Variants in MYO1A observed in about 807,000 individuals in gnomAD.
MYO1A encodes the protein unconventional myosin-Ia.
A neutral mutation model predicts 138.5 loss-of-function variants in MYO1A; 127 were observed. That is an observed-to-expected ratio of 0.92 (90% confidence interval 0.79 to 1.06). MYO1A has a LOEUF of 1.06. MYO1A is among the 50% of genes least tolerant of loss of function. MYO1A has a pLI of 0.00. For missense variants in MYO1A, 1,211 were observed against 1,288.8 expected, an observed-to-expected ratio of 0.94 and a Z score of 0.92; for synonymous variants, 477 against 497.5, an observed-to-expected ratio of 0.96 and a Z score of 0.55.
chr12:57,037,827 C>T (rs775253009), intron 18 of MYO1A, 42 bp downstream of exon 18: 3 of 1,604,210 alleles, frequency 1.9e-6, no homozygotes, highest in Non-Finnish European at 2.6e-6. Flanking sequence ...ATGTTTCCTG[C>T]ACTGCCCTTT....
chr12:57,043,254 G>C lies in MYO1A; in HGVS notation c.997C>G (p.Leu333Val). 1 of 1,614,158 alleles carries C rather than the reference G, an allele frequency of 6.2e-7. No individual in the cohort carries two copies. The part of the protein sequence containing the change: ...ETAKEKVVTA[L>V]NVMQAQYARD... ...GAGCTCCTTACCTGCATAACATTCA[G>C]TGCAGTGACCACCTTTTCCTTGGCT... Residue 333 changes from leucine (L) to valine (V), a missense_variant, in exon 11 of 28, where the codon CTG becomes GTG. Leu to Val is a conservative substitution (Grantham distance 32). Transcript: ENST00000300119.
chr12:57,036,178 G>A, intron 22 of MYO1A, 129 bp downstream of exon 22: 1 of 926,290 alleles, frequency 1.1e-6, no homozygotes, highest in Non-Finnish European at 1.8e-6. Context: ...TCTTCTCCTA[G>A]GACTTAAGTA....
At chr12:57,036,282 A>G (rs756390541) in intron 22 of MYO1A, 25 bp downstream of exon 22, 12 of 1,610,266 alleles carry the variant, frequency 7.5e-6, no homozygotes, top group Non-Finnish European at 9.3e-6. Context: ...CATCCCTAAC[A>G]TCCACCCTAA....
In MYO1A at chr12:57,046,642, C is replaced by G; in HGVS notation, c.550G>C (p.Glu184Gln). 1 of 1,613,810 alleles carries G rather than the reference C, an allele frequency of 6.2e-7. No individual in the cohort carries two copies. Among genetic ancestry groups the G allele is most frequent in the Non-Finnish European group, 8.5e-7 (1 of 1,179,724 alleles). Residue 184 changes from glutamate (E) to glutamine (Q), a missense_variant, in exon 8 of 28, where the codon GAG (glutamate) becomes CAG (glutamine). Physicochemically the swap from Glu to Gln is conservative, Grantham distance 29 (BLOSUM62 2). Coordinates refer to ENST00000300119, the MANE Select transcript of MYO1A (RefSeq NM_005379.4). ...AGCTGCTTCACTAATCGGGATTTCT[C>G]AAGCAGATCTGGCAGAGAATTAGAA... ...LGGVITNYLL[E>Q]KSRLVKQLKG...
Position 57,044,019 on chromosome 12 carries a change from G to C in MYO1A, c.745-16C>G. The C allele has an allele frequency of 2.5e-6, 4 of 1,614,116 alleles. No individual in the cohort carries two copies. The highest frequency in any genetic ancestry group is 2.5e-6 in the Non-Finnish European group (3 of 1,180,018). On this transcript the variant is annotated splice_polypyrimidine_tract_variant and intron_variant, in intron 9 of 27. Coordinates refer to ENST00000300119, the MANE Select transcript of MYO1A (RefSeq NM_005379.4). ...CCATTGCACTCTTAGGCAGAAAGCA[G>C]AAATCAAAAGCTGAACTGTTGGTGC...
chr12:57,047,025 C>A (rs1326702186), intron 6 of MYO1A, 36 bp downstream of exon 6: 6 of 1,613,644 alleles, frequency 3.7e-6, no homozygotes, highest in Non-Finnish European at 5.1e-6. Context: ...TAAGCCCCCA[C>A]ATCCTCTCTT....
At chr12:57,034,396 G>C (rs2030430996) in intron 22 of MYO1A, among the ~76,000 whole-genome samples, 2 of 152,232 alleles carry the variant, frequency 1.3e-5, no homozygotes, top group African/African-American at 2.4e-5. Flanking sequence ...GGTAAGGCCG[G>C]GTGCAGTGGC....
At chr12:57,031,277 A>C in intron 22 of MYO1A, 103 bp from the exon 23 acceptor site, 1 of 1,426,330 alleles carries the variant, frequency 7.0e-7, no homozygotes, top group Non-Finnish European at 9.8e-7. Flanking sequence ...AAGTTAACCC[A>C]CAGTGAGAAG....
At chr12:57,049,405 C>A (rs1176786856) in intron 1 of MYO1A, among the ~76,000 whole-genome samples, 2 of 152,270 alleles carry the variant, frequency 1.3e-5, no homozygotes, top group South Asian at 2.1e-4. Context: ...GGTGGAGGAG[C>A]GGAGGAAGGA....
chr12:57,029,973 C>T, intron 24 of MYO1A, 101 bp from the exon 25 acceptor site: 1 of 1,556,326 alleles, frequency 6.4e-7, no homozygotes, highest in African/African-American at 1.4e-5. Flanking sequence ...CCCCCACATC[C>T]ACGTATCCTC....
intron 8 of MYO1A, among the ~76,000 whole-genome samples, chr12:57,044,850 G>A (rs940661479): frequency 7.2e-5 from 11 of 152,100 alleles, no homozygotes; most frequent in African/African-American, 1.7e-4. Flanking sequence ...TCCATCCTAC[G>A]CAGGTGCCTC....
chr12:57,031,228 A>AGTC, intron 22 of MYO1A, 54 bp from the exon 23 acceptor site: 1 of 1,608,732 alleles, frequency 6.2e-7, no homozygotes, highest in Non-Finnish European at 8.5e-7. Flanking sequence ...ACTTCCTGAC[A>AGTC]GGCAAACTGG....
At position 57,047,083 on chromosome 12, in the gene MYO1A, C is replaced by G; in HGVS notation, c.455G>C (p.Arg152Pro). 1.2e-6 allele frequency: 2 copies of G among 1,614,064 alleles called. No individual in the cohort carries two copies. Among genetic ancestry groups the G allele is most frequent in the Non-Finnish European group, 1.7e-6 (2 of 1,180,026 alleles). ...LEAFGNAKTI[R>P]NNNSSRFGKY... ...CACAAATCGGGAGGAATTGTTGTTGCGAATGGTCTTGGCATTGCCAAAAGC... is the reference window on the plus strand; with the variant it reads ...CACAAATCGGGAGGAATTGTTGTTGGGAATGGTCTTGGCATTGCCAAAAGC... Residue 152 changes from arginine (R) to proline (P), a missense_variant, in exon 6 of 28, where the codon CGC (arginine) becomes CCC (proline). Arg to Pro is a moderately radical substitution (Grantham distance 103). Transcript: ENST00000300119.
chr12:57,050,535 C>A (rs1160630936), upstream of MYO1A, among the ~76,000 whole-genome samples: 1 of 151,996 alleles, frequency 6.6e-6, no homozygotes, highest in Non-Finnish European at 1.5e-5. Flanking sequence ...GAGTGTCTTC[C>A]TAGCAAAAAA....
Position 57,047,427 on chromosome 12 carries a change from T to TCA in MYO1A, c.326-22_326-21dup, listed in dbSNP as rs1376454777. Reference sequence around the variant, plus strand: ...TGGCCTCTGTGCAGGCAAAACGCTCTCATGGGTCCCCACCCAGGACTAGCC... The same window carrying TCA: ...TGGCCTCTGTGCAGGCAAAACGCTCTCACATGGGTCCCCACCCAGGACTAGCC... On this transcript the variant is annotated intron_variant, in intron 4 of 27. Transcript: ENST00000300119. The TCA allele has an allele frequency of 2.5e-6, 4 of 1,610,658 alleles. No individual in the cohort carries two copies. Among genetic ancestry groups the TCA allele is most frequent in the Non-Finnish European group, 3.4e-6 (4 of 1,176,972 alleles).
intron 22 of MYO1A, among the ~76,000 whole-genome samples, chr12:57,034,650 G>A (rs2030444630): frequency 6.6e-6 from 1 of 151,556 alleles, no homozygotes; most frequent in African/African-American, 2.4e-5. Flanking sequence ...ATTCCAGCCT[G>A]GGCGAGAGAG....
chr12:57,032,718 A>G (rs1246269316), intron 22 of MYO1A, among the ~76,000 whole-genome samples: 1 of 152,144 alleles, frequency 6.6e-6, no homozygotes, highest in Non-Finnish European at 1.5e-5. Context: ...GAATCACTTG[A>G]GCAGGAAGAG....
At chr12:57,030,451 AG>A in intron 23 of MYO1A, 135 bp from the exon 24 acceptor site, 1 of 715,810 alleles carries the variant, frequency 1.4e-6, no homozygotes, top group South Asian at 1.7e-5. Context: ...TAGACACCTC[AG>A]GGAGAGGCCG....
chr12:57,043,331 C>T lies in MYO1A; in HGVS notation c.920G>A (p.Gly307Asp). 6.2e-7 allele frequency: 1 copy of T among 1,614,154 alleles called. No homozygotes were observed. Residue 307 changes from glycine to aspartate, a missense_variant, in exon 11 of 28, where the codon GGC becomes GAC. Physicochemically the swap from Gly to Asp is moderately conservative, Grantham distance 94 (BLOSUM62 -1). Transcript: ENST00000300119. ...RGVREIGEMVGLNSEEVERAL... is the reference protein window; with the variant it reads ...RGVREIGEMVDLNSEEVERAL... ...TCTCTCTACTTCTTCTGAATTCAAG[C>T]CCACCATCTCCCCAATCTCCCGAAC... is the stretch of plus-strand genomic sequence containing the variant.
Sources: allele counts gnomAD v4.1 joint callset (sites outside exome capture counted in the v4.1 genomes callset), GRCh38; gene constraint gnomAD v4.1.1; transcripts MANE v1.5; gene names NCBI Gene and HGNC (gene_info 2026-07-23, HGNC 2026-07-21).